Variants in CERS6 observed in about 807,000 individuals in gnomAD.
CERS6 encodes the protein LAG1 homolog, ceramide synthase 6.
A neutral mutation model predicts 56.8 loss-of-function variants in CERS6; 26 were observed. The ratio of observed to expected loss-of-function variants is 0.46; its 90% CI spans 0.34 to 0.63. The LOEUF (loss-of-function observed/expected upper bound fraction) is 0.63, where lower values mean the gene tolerates loss of function less well. Among genes scored for constraint, CERS6 ranks in the 30% least tolerant of loss-of-function variants. CERS6 has a pLI of 0.01. For missense variants in CERS6, 415 were observed against 467.5 expected (o/e 0.89, Z 1.04); for synonymous variants, 164 against 173.3 (o/e 0.95, Z 0.42).
intron 3 of CERS6, among the ~76,000 whole-genome samples, chr2:168,613,199 GATAAT>G (rs1364505180): frequency 6.6e-6 from 1 of 152,218 alleles, no homozygotes; most frequent in Non-Finnish European, 1.5e-5. Context: ...CTGGGAGAAA[GATAAT>G]ATGTTTTGTT....
intron 3 of CERS6, among the ~76,000 whole-genome samples, chr2:168,575,552 T>G (rs1683243173): frequency 6.6e-6 from 1 of 152,044 alleles, no homozygotes; most frequent in South Asian, 2.1e-4. Flanking sequence ...GGGATTATAT[T>G]CTGAGATGAG....
chr2:168,742,943 C>T (rs1435120328), intron 8 of CERS6, among the ~76,000 whole-genome samples: 1 of 152,086 alleles, frequency 6.6e-6, no homozygotes, highest in Non-Finnish European at 1.5e-5. Context: ...TAGAACCAGT[C>T]CCTGCTCTCT....
intron 4 of CERS6, among the ~76,000 whole-genome samples, chr2:168,661,397 C>T (rs976335601): frequency 4.6e-5 from 7 of 152,248 alleles, no homozygotes; most frequent in African/African-American, 1.4e-4. Flanking sequence ...ATGTACCATT[C>T]GTAGACAGGC....
At chr2:168,553,437 G>C (rs1317987281) in intron 2 of CERS6, among the ~76,000 whole-genome samples, 70 of 151,812 alleles carry the variant, frequency 4.6e-4, no homozygotes, top group South Asian at 2.1e-4. Flanking sequence ...TGCTGGACTT[G>C]ATAAGTAAAG....
chr2:168,605,375 G>T (rs972440550), intron 3 of CERS6, among the ~76,000 whole-genome samples: 1 of 152,168 alleles, frequency 6.6e-6, no homozygotes, highest in Non-Finnish European at 1.5e-5. Context: ...TGTGAGCAAA[G>T]AAATGATATC....
At chr2:168,534,319 G>GT (rs1013924827) in intron 1 of CERS6, among the ~76,000 whole-genome samples, 2 of 151,266 alleles carry the variant, frequency 1.3e-5, no homozygotes, top group African/African-American at 4.9e-5. Flanking sequence ...GGTTTTCAGT[G>GT]TTTTTTCCTT....
intron 8 of CERS6, among the ~76,000 whole-genome samples, chr2:168,725,997 A>G (rs1009698110): frequency 4.6e-5 from 7 of 152,168 alleles, no homozygotes; most frequent in African/African-American, 1.7e-4. Context: ...TGTAATCTCT[A>G]CGTTCCTAAC....
chr2:168,769,651 A>G lies in CERS6; in HGVS notation c.1144A>G (p.Met382Val), dbSNP rs774657184. 3.7e-6 allele frequency: 6 copies of G among 1,610,272 alleles called. No individual in the cohort carries two copies. The East Asian group carries it at 6.7e-5, about 18-fold the overall frequency. The change falls in exon 10 of 10, where the codon ATG becomes GTG. Residue 382 changes from methionine (M) to valine (V), a missense_variant. Met to Val is a conservative substitution (Grantham distance 21). Transcript: ENST00000305747. ...NGYLLTGSCS[M>V]DD ...GTATCTCCTGACTGGCTCCTGCTCC[A>G]TGGATGATTAATTACTCAAAACTAC...
chr2:168,692,852 G>T (rs1686540481), intron 5 of CERS6, among the ~76,000 whole-genome samples: 1 of 152,048 alleles, frequency 6.6e-6, no homozygotes, highest in African/African-American at 2.4e-5. Flanking sequence ...ATAGATTCCT[G>T]TTCCAAGTCA....
At chr2:168,664,287 C>T (rs571716473) in intron 4 of CERS6, among the ~76,000 whole-genome samples, 3 of 152,290 alleles carry the variant, frequency 2.0e-5, no homozygotes, top group Admixed American at 6.5e-5. Flanking sequence ...TCTCTTCCTG[C>T]ACCTTCCACA....
chr2:168,554,796 A>G (rs1179864023), intron 2 of CERS6, among the ~76,000 whole-genome samples: 1 of 152,250 alleles, frequency 6.6e-6, no homozygotes, highest in Non-Finnish European at 1.5e-5. Context: ...GTATACAGGC[A>G]CGTATAAATA....
chr2:168,700,650 A>G (rs1182441283), intron 6 of CERS6, among the ~76,000 whole-genome samples: 3 of 152,168 alleles, frequency 2.0e-5, no homozygotes, highest in Non-Finnish European at 4.4e-5. Flanking sequence ...TAAAAGCATG[A>G]GCTCTGGAGT....
chr2:168,574,355 G>A (rs1459426999), intron 3 of CERS6, among the ~76,000 whole-genome samples: 9 of 150,438 alleles, frequency 6.0e-5, no homozygotes, highest in Admixed American at 2.0e-4. Flanking sequence ...CAATACTTAC[G>A]TGGCTCAATA....
chr2:168,535,614 T>G (rs531058576), intron 1 of CERS6, among the ~76,000 whole-genome samples: 1 of 151,330 alleles, frequency 6.6e-6, no homozygotes, highest in African/African-American at 2.4e-5. Flanking sequence ...GAGCCTCAGA[T>G]CGCCACTGTT....
At chr2:168,593,801 C>G (rs1046425023) in intron 3 of CERS6, among the ~76,000 whole-genome samples, 3 of 152,146 alleles carry the variant, frequency 2.0e-5, no homozygotes, top group Admixed American at 2.0e-4. Context: ...TATTTATCTC[C>G]TAAGTTTGCA....
At chr2:168,652,101 G>C (rs75631646) in intron 4 of CERS6, among the ~76,000 whole-genome samples, 3 of 137,370 alleles carry the variant, frequency 2.2e-5, no homozygotes, top group African/African-American at 8.2e-5. Flanking sequence ...AAAAAAAAAA[G>C]CTTGTCAGTA....
chr2:168,575,624 A>G (rs1385441720), intron 3 of CERS6, among the ~76,000 whole-genome samples: 1 of 152,192 alleles, frequency 6.6e-6, no homozygotes, highest in Non-Finnish European at 1.5e-5. Flanking sequence ...AATGTTAGCT[A>G]TTATACTAGT....
intron 8 of CERS6, among the ~76,000 whole-genome samples, chr2:168,743,224 G>A (rs1053589725): frequency 4.2e-5 from 5 of 119,090 alleles, no homozygotes; most frequent in Non-Finnish European, 5.7e-5. Context: ...ATGTGTGTGT[G>A]TATATATATA....
chr2:168,698,420 G>A (rs1686722114), intron 6 of CERS6, among the ~76,000 whole-genome samples: 1 of 152,096 alleles, frequency 6.6e-6, no homozygotes, highest in Non-Finnish European at 1.5e-5. Context: ...CATAGCAGAA[G>A]GTGAAGGAGA....
Sources: gnomAD v4.1 joint callset for allele counts (sites outside exome capture counted in the v4.1 genomes callset) on GRCh38, gnomAD v4.1.1 for gene constraint, MANE v1.5 for transcripts, NCBI Gene and HGNC (gene_info 2026-07-23, HGNC 2026-07-21) for gene names.